Variants in MAP3K13 observed in about 807,000 individuals in gnomAD.
MAP3K13 encodes mitogen-activated protein kinase kinase kinase 13.
MAP3K13 carries 52 observed loss-of-function variants against 104.0 expected under a neutral mutation model. The ratio of observed to expected loss-of-function variants is 0.50; its 90% CI spans 0.40 to 0.63. The LOEUF (loss-of-function observed/expected upper bound fraction) is 0.63. MAP3K13 is among the 20% of genes least tolerant of loss of function. The pLI is 0.00. For synonymous variants in MAP3K13, 394 were observed against 442.2 expected, an observed-to-expected ratio of 0.89 and a Z score of 1.37; for missense variants, 914 against 1,218.5, an observed-to-expected ratio of 0.75 and a Z score of 3.72.
At chr3:185,301,194 G>A (rs1223385855) in intron 2 of MAP3K13, among the ~76,000 whole-genome samples, 3 of 151,652 alleles carry the variant, frequency 2.0e-5, no homozygotes, top group African/African-American at 7.3e-5. Flanking sequence ...TACTATTCTG[G>A]TTTTAATTTC....
chr3:185,292,864 T>TA, intron 2 of MAP3K13: 1 of 984,112 alleles, frequency 1.0e-6, no homozygotes, highest in Non-Finnish European at 1.2e-6. Context: ...TTAGAGCAGT[T>TA]ATGGGAGTTA....
rs771809954 is a variant in MAP3K13, at chr3:185,463,683, C to T, written c.1388+24C>T. ...AGGTCAGCTCATCCCTCCTTCCCCA[C>T]CTCCCTTCATCCCCAGGTCTTCAGA... On this transcript the variant is annotated intron_variant, in intron 8 of 13. Transcript: ENST00000265026. 3 of 1,412,902 alleles carry T rather than the reference C, an allele frequency of 2.1e-6. No individual in the cohort carries two copies. In the Admixed American group the frequency reaches 5.1e-5, roughly 24 times the overall value. The allele number at this position is 1,412,902 out of a possible 1,614,324, so 87.5% of individuals were successfully genotyped here.
chr3:185,367,221 G>A (rs1258312084), intron 1 of MAP3K13, among the ~76,000 whole-genome samples: 1 of 152,000 alleles, frequency 6.6e-6, no homozygotes, highest in Non-Finnish European at 1.5e-5. Flanking sequence ...ACCCTACCAG[G>A]GAACTTAAAA....
At chr3:185,411,333 C>T (rs1713431989) in intron 1 of MAP3K13, among the ~76,000 whole-genome samples, 1 of 152,188 alleles carries the variant, frequency 6.6e-6, no homozygotes, top group African/African-American at 2.4e-5. Context: ...TCACAGTTTA[C>T]TCATATGAAG....
chr3:185,459,245 C>T (rs1441600177), intron 7 of MAP3K13, among the ~76,000 whole-genome samples: 3 of 152,060 alleles, frequency 2.0e-5, no homozygotes, highest in Non-Finnish European at 4.4e-5. Context: ...GGAGAGGAGT[C>T]GTGTGCCCAG....
At chr3:185,297,946 G>A (rs773525993) in intron 2 of MAP3K13, among the ~76,000 whole-genome samples, 2 of 150,838 alleles carry the variant, frequency 1.3e-5, no homozygotes, top group Non-Finnish European at 3.0e-5. Context: ...TTCATGGTAT[G>A]TATAGTTTCC....
chr3:185,407,869 A>ATTTTT (rs35693572), intron 1 of MAP3K13, among the ~76,000 whole-genome samples: 19 of 69,086 alleles, frequency 2.8e-4, no homozygotes, highest in Non-Finnish European at 3.5e-4. Context: ...AATTTTGAGA[A>ATTTTT]TTTTTTTTTT....
intron 2 of MAP3K13, among the ~76,000 whole-genome samples, chr3:185,320,664 G>T (rs1013466248): frequency 6.6e-5 from 10 of 152,156 alleles, no homozygotes; most frequent in African/African-American, 1.4e-4. Flanking sequence ...AAATGTAAAA[G>T]AAATTTTTAC....
At chr3:185,367,363 C>T (rs1365437131) in intron 1 of MAP3K13, among the ~76,000 whole-genome samples, 1 of 152,034 alleles carries the variant, frequency 6.6e-6, no homozygotes, top group Non-Finnish European at 1.5e-5. Context: ...AAACTATTGA[C>T]ATGCAGGGTC....
At chr3:185,430,588 G>A (rs1192397196) in intron 2 of MAP3K13, among the ~76,000 whole-genome samples, 2 of 151,610 alleles carry the variant, frequency 1.3e-5, no homozygotes, top group African/African-American at 2.4e-5. Flanking sequence ...TGCTAAGGGC[G>A]ATGGCCTCTG....
At chr3:185,328,223 A>C (rs1278916581) in intron 2 of MAP3K13, among the ~76,000 whole-genome samples, 1 of 152,172 alleles carries the variant, frequency 6.6e-6, no homozygotes, top group Admixed American at 6.5e-5. Context: ...GTCAGGGAGA[A>C]TGGAGATGGG....
chr3:185,408,434 T>C (rs775518837), intron 1 of MAP3K13, among the ~76,000 whole-genome samples: 31 of 151,976 alleles, frequency 2.0e-4, no homozygotes, highest in Non-Finnish European at 3.8e-4. Flanking sequence ...TAGCCGGGCA[T>C]GGTGGCGCAT....
chr3:185,443,682 G>T, intron 4 of MAP3K13, 46 bp downstream of exon 4: 1 of 1,544,224 alleles, frequency 6.5e-7, no homozygotes, highest in South Asian at 1.1e-5. Context: ...TTGTTGTTTT[G>T]AAATACAGAA....
chr3:185,471,449 T>C (rs1717779085), intron 10 of MAP3K13, among the ~76,000 whole-genome samples: 1 of 127,930 alleles, frequency 7.8e-6, no homozygotes, highest in Non-Finnish European at 1.7e-5. Flanking sequence ...GGACGACCTT[T>C]ACTTTTTTTT....
At position 185,451,480 on chromosome 3, in the gene MAP3K13, G is replaced by T. The variant is rs527481311; in HGVS notation, c.1278+85G>T. On this transcript the variant is annotated intron_variant, in intron 7 of 13. Coordinates refer to ENST00000265026, the MANE Select transcript of MAP3K13 (RefSeq NM_004721.5). ...AGAGTAACTCTTAGAAGGGCCCATT[G>T]TGTTTGTTATAATAGTTATATAACT... is the stretch of plus-strand genomic sequence containing the variant. The T allele has an allele frequency of 1.0e-4, 88 of 861,322 alleles. No individual in the cohort carries two copies. In the African/African-American group the frequency reaches 1.2e-3, roughly 12 times the overall value. The allele number at this position is 861,322 out of a possible 1,614,324, so 53.4% of individuals were successfully genotyped here.
chr3:185,289,442 C>T lies in MAP3K13; in HGVS notation c.-86+3799C>T, dbSNP rs149106391. Among the ~76,000 whole-genome samples, 360 of 152,228 alleles carry T rather than the reference C, an allele frequency of 2.4e-3. 2 individuals carry two copies. The highest frequency in any genetic ancestry group is 8.3e-3 in the African/African-American group (345 of 41,536). The stretch of plus-strand genomic sequence containing the variant: ...AACATATCCACTGGTCACTTATCCA[C>T]CAACCTTACCTCACCCATAACCAGG... On this transcript the variant is annotated intron_variant, in intron 2 of 14. Coordinates refer to the MAP3K13 transcript ENST00000424227.
At chr3:185,454,988 GAT>G (rs200877361) in intron 7 of MAP3K13, among the ~76,000 whole-genome samples, 1 of 30,494 alleles carries the variant, frequency 3.3e-5, no homozygotes, top group East Asian at 6.0e-4. Flanking sequence ...ATATATATGA[GAT>G]ATATATGATA....
In MAP3K13 at chr3:185,485,979, G is replaced by C. The variant is rs1372104247; in HGVS notation, c.*3523G>C. 1 of 152,204 alleles carries C rather than the reference G, an allele frequency of 6.6e-6. No individual in the cohort carries two copies. Among genetic ancestry groups the C allele is most frequent in the African/African-American group, 2.4e-5 (1 of 41,456 alleles). The allele number at this position is 152,204 out of a possible 1,614,324, so 9.4% of individuals were successfully genotyped here. On this transcript the variant is annotated 3_prime_UTR_variant, in exon 14 of 14. Transcript: ENST00000265026. ...TATATTTTCCATCCTCTTGACTTCAGATCTCACTGTACTGTAAATCTCTCT... is the reference window on the plus strand; with the variant it reads ...TATATTTTCCATCCTCTTGACTTCACATCTCACTGTACTGTAAATCTCTCT...
chr3:185,336,995 G>C (rs1417315179), intron 2 of MAP3K13, among the ~76,000 whole-genome samples: 1 of 152,112 alleles, frequency 6.6e-6, no homozygotes, highest in African/African-American at 2.4e-5. Context: ...AACAACAAAC[G>C]TGATTATAAT....
Sources: gnomAD v4.1 joint callset for allele counts (sites outside exome capture counted in the v4.1 genomes callset) on GRCh38, gnomAD v4.1.1 for gene constraint, MANE v1.5 for transcripts, NCBI Gene and HGNC (gene_info 2026-07-23, HGNC 2026-07-21) for gene names.